The following AGPS variants were observed in gnomAD, a reference collection of about 807,000 sequenced individuals.
AGPS encodes the protein alkylglycerone phosphate synthase, also known as alkyldihydroxyacetonephosphate synthase, peroxisomal.
In AGPS, 26 loss-of-function variants were observed where a neutral mutation model predicts 90.7. The observed-to-expected ratio is 0.29, with a 90% CI of 0.21 to 0.40. The LOEUF is 0.40. AGPS is among the 10% of genes least tolerant of loss of function. The pLI is 1.00. For synonymous variants in AGPS, 294 were observed against 285.3 expected, an observed-to-expected ratio of 1.03 and a Z score of -0.31; for missense variants, 540 against 816.1, an observed-to-expected ratio of 0.66 and a Z score of 4.12.
intron 15 of AGPS, among the ~76,000 whole-genome samples, chr2:177,507,163 T>G (rs1006173508): frequency 2.6e-5 from 4 of 152,070 alleles, no homozygotes; most frequent in African/African-American, 9.7e-5. Context: ...TTAGATCAGA[T>G]CAGTAATTTG....
intron 9 of AGPS, among the ~76,000 whole-genome samples, chr2:177,462,531 A>G (rs1395936285): frequency 6.6e-6 from 1 of 152,122 alleles, no homozygotes; most frequent in African/African-American, 2.4e-5. Flanking sequence ...TTATTTAAGG[A>G]TGCCCCTTTT....
At chr2:177,454,242 G>T (rs4585065) in intron 8 of AGPS, among the ~76,000 whole-genome samples, 130,958 of 151,748 alleles carry the variant, frequency 0.86, 56,709 homozygotes, top group East Asian at 0.95. Context: ...GTTCCACAGC[G>T]CACTGCTACT....
chr2:177,534,093 C>T (rs2079162810), intron 19 of AGPS, among the ~76,000 whole-genome samples: 1 of 152,084 alleles, frequency 6.6e-6, no homozygotes, highest in Non-Finnish European at 1.5e-5. Flanking sequence ...AGCTAGAGAC[C>T]TCTGTGACCA....
chr2:177,422,661 A>G (rs1282181526), intron 2 of AGPS, among the ~76,000 whole-genome samples: 3 of 152,230 alleles, frequency 2.0e-5, no homozygotes, highest in Non-Finnish European at 2.9e-5. Context: ...AGGTGCTCTG[A>G]GATTAAATAT....
In AGPS at chr2:177,502,794, C is replaced by A. The variant is rs554043080; in HGVS notation, c.1476-2712C>A. 3.6e-4 allele frequency among the ~76,000 whole-genome samples: 55 copies of A among 152,080 alleles called. No individual in the cohort carries two copies. The South Asian group carries it at 8.5e-3, about 24-fold the overall frequency. The stretch of plus-strand genomic sequence containing the variant: ...GTTTTCTACCAGAAGTTCTAGTATC[C>A]CACCAGTTTTCTGTAGGCACTAATT... On this transcript the variant is annotated intron_variant, in intron 14 of 19. Transcript: ENST00000264167.
intron 17 of AGPS, among the ~76,000 whole-genome samples, chr2:177,519,031 G>GT (rs1320147884): frequency 6.6e-6 from 1 of 152,040 alleles, no homozygotes; most frequent in Admixed American, 6.5e-5. Context: ...GCTGAGTGAA[G>GT]GTATATCTCC....
intron 1 of AGPS, among the ~76,000 whole-genome samples, chr2:177,416,008 G>A (rs1685774586): frequency 6.6e-6 from 1 of 152,106 alleles, no homozygotes; most frequent in South Asian, 2.1e-4. Flanking sequence ...TTTTACAGTT[G>A]TTAACCCAGA....
chr2:177,440,958 T>C lies in AGPS; in HGVS notation c.638-7T>C, dbSNP rs886044553. 6.2e-7 allele frequency: 1 copy of C among 1,611,192 alleles called. No homozygotes were observed. The highest frequency in any genetic ancestry group is 8.5e-7 in the Non-Finnish European group (1 of 1,177,842). ...TGTAATTAATTTATTTTCCCTTTTT[T>C]CAACAGCATGCCATGATGATGTAGT... On this transcript the variant is annotated splice_region_variant and splice_polypyrimidine_tract_variant and intron_variant, in intron 5 of 19. Coordinates refer to ENST00000264167, the MANE Select transcript of AGPS (RefSeq NM_003659.4).
intron 15 of AGPS, among the ~76,000 whole-genome samples, chr2:177,506,381 A>G (rs1001474244): frequency 2.0e-5 from 3 of 151,764 alleles, no homozygotes; most frequent in Non-Finnish European, 4.4e-5. Flanking sequence ...AAATATACAT[A>G]TTTTCAGGGT....
At chr2:177,408,851 A>G (rs1300723698) in intron 1 of AGPS, among the ~76,000 whole-genome samples, 7 of 152,032 alleles carry the variant, frequency 4.6e-5, no homozygotes, top group Non-Finnish European at 1.0e-4. Context: ...ACTTTTTCTC[A>G]TGTCTTAAGG....
intron 10 of AGPS, among the ~76,000 whole-genome samples, chr2:177,470,196 G>A (rs1018580078): frequency 1.3e-5 from 2 of 152,174 alleles, no homozygotes; most frequent in South Asian, 4.1e-4. Flanking sequence ...AGTATGACTG[G>A]AATGTAAGGT....
Position 177,541,471 on chromosome 2 carries a change from C to T in AGPS, c.*3276C>T, listed in dbSNP as rs1269608201. The T allele has an allele frequency of 6.6e-6, 1 of 152,152 alleles. No homozygotes were observed. Among genetic ancestry groups the T allele is most frequent in the African/African-American group, 2.4e-5 (1 of 41,438 alleles). The allele number at this position is 152,152 out of a possible 1,614,324, so 9.4% of individuals were successfully genotyped here. ...CTGTATAAATGCTAGAACACAGTTACTACAGATTGATTCACAAACTGCATG... is the reference window on the plus strand; with the variant it reads ...CTGTATAAATGCTAGAACACAGTTATTACAGATTGATTCACAAACTGCATG... On this transcript the variant is annotated 3_prime_UTR_variant, in exon 20 of 20. Transcript: ENST00000264167.
chr2:177,483,321 T>C (rs533346934), intron 11 of AGPS, among the ~76,000 whole-genome samples: 21 of 152,176 alleles, frequency 1.4e-4, no homozygotes, highest in Admixed American at 9.8e-4. Context: ...GTTTATTCCA[T>C]ACACTCATAA....
intron 8 of AGPS, 73 bp from the exon 9 acceptor site, chr2:177,461,817 GGGA>G: frequency 7.6e-7 from 1 of 1,307,886 alleles, no homozygotes; most frequent in Non-Finnish European, 1.1e-6. Context: ...ATTTTAAAGT[GGGA>G]GGAGTTAATG....
rs2079221637 is a variant in AGPS, at chr2:177,540,117, T to A, written c.*1922T>A. On this transcript the variant is annotated 3_prime_UTR_variant, in exon 20 of 20. Coordinates refer to ENST00000264167, the MANE Select transcript of AGPS (RefSeq NM_003659.4). ...TATGTATATGTTTCTGAGTAATTTT[T>A]AAAAAATAAAACAGGTTAATAAGAA... 6.7e-6 allele frequency: 1 copy of A among 149,594 alleles called. No homozygotes were observed. The highest frequency in any genetic ancestry group is 1.5e-5 in the Non-Finnish European group (1 of 67,366). 9.3% of individuals were successfully genotyped at this position (149,594 alleles called of 1,614,324 possible).
chr2:177,523,366 G>A (rs1314427933), intron 18 of AGPS, among the ~76,000 whole-genome samples: 1 of 152,144 alleles, frequency 6.6e-6, no homozygotes, highest in Admixed American at 6.5e-5. Flanking sequence ...ACACTTATAG[G>A]AAGCAGTCAG....
intron 1 of AGPS, among the ~76,000 whole-genome samples, chr2:177,419,766 T>C (rs1311799650): frequency 1.3e-5 from 2 of 151,886 alleles, no homozygotes; most frequent in Non-Finnish European, 3.0e-5. Flanking sequence ...ATTTAGAATG[T>C]AAACCCAGCA....
chr2:177,404,717 G>A (rs1685419700), intron 1 of AGPS, among the ~76,000 whole-genome samples: 1 of 152,014 alleles, frequency 6.6e-6, no homozygotes, highest in Non-Finnish European at 1.5e-5. Flanking sequence ...TTTTATATCA[G>A]TTGGCTTTGA....
intron 9 of AGPS, among the ~76,000 whole-genome samples, chr2:177,467,780 C>T (rs1687497935): frequency 6.6e-6 from 1 of 152,028 alleles, no homozygotes; most frequent in South Asian, 2.1e-4. Context: ...TTTACCTAAC[C>T]ACTTCTGATT....
Sources: gnomAD v4.1 joint callset for allele counts (sites outside exome capture counted in the v4.1 genomes callset) on GRCh38, gnomAD v4.1.1 for gene constraint, MANE v1.5 for transcripts, NCBI Gene and HGNC (gene_info 2026-07-23, HGNC 2026-07-21) for gene names.